The following OR3A2 variants were observed in gnomAD, a reference collection of about 807,000 sequenced individuals.
OR3A2 encodes the protein olfactory receptor 3A2.
For synonymous variants in OR3A2, 126 were observed against 159.3 expected, an observed-to-expected ratio of 0.79 and a Z score of 1.57; for missense variants, 318 against 392.8, an observed-to-expected ratio of 0.81 and a Z score of 1.61.
intron 3 of OR3A2, among the ~76,000 whole-genome samples, chr17:3,335,334 G>A (rs2049268684): frequency 6.6e-6 from 1 of 151,840 alleles, no homozygotes; most frequent in Non-Finnish European, 1.5e-5. Context: ...ATTTCTTTGT[G>A]CCTTCTTCCT....
In OR3A2 at chr17:3,328,836, C is replaced by T. The variant is rs1484397690; in HGVS notation, c.-85+7197G>A. On this transcript the variant is annotated intron_variant, in intron 3 of 4. Coordinates refer to the OR3A2 transcript ENST00000573491. Reference sequence around the variant, plus strand: ...ATAATCATGTGGTTTTTGTCTTCGGCTCTGTTTATATGCTGGATTACATTT... The same window carrying T: ...ATAATCATGTGGTTTTTGTCTTCGGTTCTGTTTATATGCTGGATTACATTT... Among the ~76,000 whole-genome samples, 4 of 143,310 alleles carry T rather than the reference C, an allele frequency of 2.8e-5. 1 individual carries two copies. Among genetic ancestry groups the T allele is most frequent in the Admixed American group, 1.4e-4 (2 of 14,068 alleles). 94.0% of individuals were successfully genotyped at this position (143,310 alleles called of 152,430 possible).
chr17:3,283,448 C>T (rs1284492352), intron 1 of OR3A2, among the ~76,000 whole-genome samples: 1 of 152,206 alleles, frequency 6.6e-6, no homozygotes, highest in Non-Finnish European at 1.5e-5. Context: ...TGGTCTCGAA[C>T]TCCTGACCTC....
At chr17:3,287,956 T>C (rs2048829098), upstream of OR3A2, among the ~76,000 whole-genome samples, 1 of 151,632 alleles carries the variant, frequency 6.6e-6, no homozygotes, top group Non-Finnish European at 1.5e-5. Context: ...GCTCTAAATA[T>C]ATTAAATATT....
rs530409804 is a variant in OR3A2, at chr17:3,355,119, T to C, written c.-178-18993A>G. Among the ~76,000 whole-genome samples the C allele has an allele frequency of 2.6e-5, 4 of 151,616 alleles. No individual in the cohort carries two copies. The East Asian group carries it at 7.7e-4, about 29-fold the overall frequency. ...GTTCACATAGTTTCCAAAATTCTTCTTATTATTGATTTCTACTTTTATTCC... is the reference window on the plus strand; with the variant it reads ...GTTCACATAGTTTCCAAAATTCTTCCTATTATTGATTTCTACTTTTATTCC... On this transcript the variant is annotated intron_variant, in intron 2 of 4. Coordinates refer to the OR3A2 transcript ENST00000573491.
At chr17:3,325,251 C>G (rs2049161966) in intron 3 of OR3A2, among the ~76,000 whole-genome samples, 2 of 146,100 alleles carry the variant, frequency 1.4e-5, no homozygotes, top group African/African-American at 5.1e-5. Context: ...CTCTGTCGCC[C>G]AGACTGGGAG....
chr17:3,380,178 G>A (rs2049721698), intron 2 of OR3A2, among the ~76,000 whole-genome samples: 1 of 152,316 alleles, frequency 6.6e-6, no homozygotes, highest in South Asian at 2.1e-4. Flanking sequence ...GAGCTGTGGA[G>A]GGCAGAGCTC....
chr17:3,321,425 G>C (rs1413830202), intron 3 of OR3A2, among the ~76,000 whole-genome samples: 2 of 152,002 alleles, frequency 1.3e-5, no homozygotes, highest in Non-Finnish European at 2.9e-5. Context: ...TGTTGAATAG[G>C]AGTGGTGAGA....
At chr17:3,320,947 T>A (rs2049117012) in intron 3 of OR3A2, among the ~76,000 whole-genome samples, 1 of 152,062 alleles carries the variant, frequency 6.6e-6, no homozygotes. Context: ...GGGATGGCAT[T>A]GAATCTATAA....
chr17:3,347,850 C>G (rs1230062540), intron 2 of OR3A2, among the ~76,000 whole-genome samples: 2 of 152,212 alleles, frequency 1.3e-5, no homozygotes, highest in African/African-American at 2.4e-5. Flanking sequence ...AACTAGATTA[C>G]AGTCCCACCA....
At position 3,340,063 on chromosome 17, in the gene OR3A2, G is replaced by C. The variant is rs368553567; in HGVS notation, c.-178-3937C>G. On this transcript the variant is annotated intron_variant, in intron 2 of 4. Coordinates refer to the OR3A2 transcript ENST00000573491. ...AGATTTTGTAGTTCATTTGTGTAGAGGTGTTTATAGTATTCTCTGATGGTG... is the reference window on the plus strand; with the variant it reads ...AGATTTTGTAGTTCATTTGTGTAGACGTGTTTATAGTATTCTCTGATGGTG... Among the ~76,000 whole-genome samples, 10 of 152,214 alleles carry C rather than the reference G, an allele frequency of 6.6e-5. No homozygotes were observed. In the East Asian group the frequency reaches 1.9e-3, roughly 29 times the overall value.
At chr17:3,312,618 T>C (rs780030317) in intron 3 of OR3A2, among the ~76,000 whole-genome samples, 6 of 152,126 alleles carry the variant, frequency 3.9e-5, no homozygotes, top group Non-Finnish European at 8.8e-5. Context: ...CATTAATAAC[T>C]AGTAAGATAG....
chr17:3,385,477 T>A (rs772952788), intron 1 of OR3A2, among the ~76,000 whole-genome samples: 1 of 151,930 alleles, frequency 6.6e-6, no homozygotes, highest in Non-Finnish European at 1.5e-5. Flanking sequence ...ATAGAGGAGT[T>A]TGGATAGATA....
chr17:3,354,433 A>G (rs2049446774), intron 2 of OR3A2, among the ~76,000 whole-genome samples: 1 of 150,718 alleles, frequency 6.6e-6, no homozygotes, highest in South Asian at 2.1e-4. Flanking sequence ...TTTATAGGAG[A>G]CCTTTTATTA....
intron 2 of OR3A2, among the ~76,000 whole-genome samples, chr17:3,365,913 G>A (rs1224298041): frequency 2.6e-5 from 4 of 152,210 alleles, no homozygotes; most frequent in African/African-American, 9.6e-5. Flanking sequence ...GAAGACTGAA[G>A]AGCCAGCTTT....
chr17:3,334,725 T>G (rs1567559068), intron 3 of OR3A2, among the ~76,000 whole-genome samples: 2 of 152,242 alleles, frequency 1.3e-5, no homozygotes, highest in African/African-American at 4.8e-5. Flanking sequence ...CTTACAATAT[T>G]AGATCTTTCC....
At chr17:3,297,861 C>T (rs150730136) in intron 3 of OR3A2, among the ~76,000 whole-genome samples, 2 of 151,996 alleles carry the variant, frequency 1.3e-5, no homozygotes, top group East Asian at 3.9e-4. Context: ...GTTTGTGCAA[C>T]ACGATAAAAG....
intron 2 of OR3A2, among the ~76,000 whole-genome samples, chr17:3,345,490 G>A (rs1054818582): frequency 6.6e-6 from 1 of 151,792 alleles, no homozygotes; most frequent in Non-Finnish European, 1.5e-5. Flanking sequence ...ACAGAGGGCA[G>A]AAGAACAACA....
At chr17:3,347,173 C>T (rs1399933304) in intron 2 of OR3A2, among the ~76,000 whole-genome samples, 1 of 152,014 alleles carries the variant, frequency 6.6e-6, no homozygotes, top group Non-Finnish European at 1.5e-5. Context: ...ATAAGGGTTC[C>T]CTTTTCTCCA....
chr17:3,287,515 A>G (rs997843779), upstream of OR3A2, among the ~76,000 whole-genome samples: 1 of 152,216 alleles, frequency 6.6e-6, no homozygotes, highest in African/African-American at 2.4e-5. Context: ...TATAACAGCC[A>G]TTTAAAATTT....
Sources: allele counts gnomAD v4.1 joint callset (sites outside exome capture counted in the v4.1 genomes callset), GRCh38; gene constraint gnomAD v4.1.1; transcripts MANE v1.5; gene names NCBI Gene and HGNC (gene_info 2026-07-23, HGNC 2026-07-21).